The following FARSB variants were observed in gnomAD, a reference collection of about 807,000 sequenced individuals.
The protein encoded by FARSB is phenylalanyl-tRNA synthetase subunit beta.
Under a neutral mutation model 69.6 loss-of-function variants are expected in FARSB, and 40 were observed. The observed-to-expected ratio is 0.57, with a 90% CI of 0.45 to 0.75. The LOEUF is 0.75. Among genes scored for constraint, FARSB ranks in the 30% least tolerant of loss-of-function variants. The probability of loss-of-function intolerance (pLI) is 0.00; values close to 1 mark genes in which losing one functional copy is unlikely to be tolerated. For missense variants in FARSB, 632 were observed against 722.9 expected, an observed-to-expected ratio of 0.87 and a Z score of 1.44; for synonymous variants, 235 against 247.2, an observed-to-expected ratio of 0.95 and a Z score of 0.46.
intron 14 of FARSB, among the ~76,000 whole-genome samples, chr2:222,619,059 G>A (rs1404715986): frequency 6.6e-6 from 1 of 151,180 alleles, no homozygotes; most frequent in East Asian, 1.9e-4. Flanking sequence ...GGAGAATGGC[G>A]TGAACCCGGG....
chr2:222,599,909 T>G lies in FARSB; in HGVS notation c.1618+19A>C. Reference sequence around the variant, plus strand: ...TCCTGACACTGTCACTAACTCTGGATTCGGCTCATCTGTCTTACCTTCTGA... The same window carrying G: ...TCCTGACACTGTCACTAACTCTGGAGTCGGCTCATCTGTCTTACCTTCTGA... On this transcript the variant is annotated intron_variant, in intron 16 of 16. Transcript: ENST00000281828. The G allele has an allele frequency of 6.4e-7, 1 of 1,565,822 alleles. No homozygotes were observed. Among genetic ancestry groups the G allele is most frequent in the South Asian group, 1.2e-5 (1 of 83,190 alleles).
At chr2:222,624,649 C>G in intron 11 of FARSB, 65 bp downstream of exon 11, 1 of 1,113,108 alleles carries the variant, frequency 9.0e-7, no homozygotes, top group Non-Finnish European at 1.3e-6. Flanking sequence ...TCTGAAGGAT[C>G]GCAAAAAAAA....
chr2:222,637,369 G>A (rs771687305), intron 5 of FARSB, among the ~76,000 whole-genome samples: 36 of 151,686 alleles, frequency 2.4e-4, no homozygotes, highest in African/African-American at 7.8e-4. Context: ...GGTGGGCAGA[G>A]TCCCAGAGAA....
chr2:222,585,106 A>C (rs1433968791), intron 16 of FARSB, among the ~76,000 whole-genome samples: 1 of 152,176 alleles, frequency 6.6e-6, no homozygotes, highest in African/African-American at 2.4e-5. Flanking sequence ...GGGCCGACTG[A>C]CACCTCATAC....
chr2:222,621,240 G>C (rs573370254), intron 13 of FARSB, among the ~76,000 whole-genome samples: 1 of 152,290 alleles, frequency 6.6e-6, no homozygotes, highest in Admixed American at 6.5e-5. Context: ...AGTGACAAGA[G>C]GCAATTTAAA....
intron 1 of FARSB, among the ~76,000 whole-genome samples, chr2:222,652,643 AACAAC>A (rs1692067652): frequency 1.3e-5 from 2 of 152,232 alleles, no homozygotes; most frequent in Admixed American, 1.3e-4. Flanking sequence ...GAGGTTTGCC[AACAAC>A]CACTTGAATG....
intron 15 of FARSB, among the ~76,000 whole-genome samples, chr2:222,608,021 T>C (rs1477023131): frequency 6.6e-6 from 1 of 152,128 alleles, no homozygotes; most frequent in African/African-American, 2.4e-5. Flanking sequence ...CGTTAGCAGA[T>C]CTTAACTATG....
At chr2:222,624,672 G>A (rs753321196) in intron 11 of FARSB, 42 bp downstream of exon 11, 17 of 1,349,562 alleles carry the variant, frequency 1.3e-5, no homozygotes, top group Admixed American at 9.5e-5. Context: ...TTAGTCATAC[G>A]TGTACTTTGT....
In FARSB at chr2:222,615,156, C is replaced by T. The variant is rs189241608; in HGVS notation, c.1345-1228G>A. Among the ~76,000 whole-genome samples the T allele has an allele frequency of 1.4e-4, 21 of 152,210 alleles. No homozygotes were observed. The South Asian group carries it at 2.1e-3, about 15-fold the overall frequency. On this transcript the variant is annotated intron_variant, in intron 14 of 16. Coordinates refer to ENST00000281828, the MANE Select transcript of FARSB (RefSeq NM_005687.5). ...AACATATTTCTCCCTGTAAGCTATACGGAATATATTAGCTTCCAACACATG... is the reference window on the plus strand; with the variant it reads ...AACATATTTCTCCCTGTAAGCTATATGGAATATATTAGCTTCCAACACATG...
At chr2:222,648,635 C>T (rs1488850724) in intron 2 of FARSB, 105 bp downstream of exon 2, 3 of 784,544 alleles carry the variant, frequency 3.8e-6, no homozygotes, top group Non-Finnish European at 6.8e-6. Flanking sequence ...CAAACATTAT[C>T]ACCTTAGTCT....
chr2:222,575,077 G>A (rs968361351), intron 16 of FARSB, among the ~76,000 whole-genome samples: 2 of 152,194 alleles, frequency 1.3e-5, no homozygotes, highest in Non-Finnish European at 1.5e-5. Flanking sequence ...AAGAAAACAA[G>A]GGAGATATAG....
At chr2:222,634,997 C>A (rs963998600) in intron 5 of FARSB, among the ~76,000 whole-genome samples, 21 of 152,148 alleles carry the variant, frequency 1.4e-4, no homozygotes, top group African/African-American at 5.1e-4. Flanking sequence ...CACATAGCTG[C>A]ATTACCTTAG....
intron 15 of FARSB, 33 bp downstream of exon 15, chr2:222,613,778 A>G: frequency 7.7e-7 from 1 of 1,305,506 alleles, no homozygotes; most frequent in Non-Finnish European, 1.1e-6. Context: ...TGTTTTAAAT[A>G]CACAAATCAA....
intron 15 of FARSB, among the ~76,000 whole-genome samples, chr2:222,600,298 A>G (rs1030571738): frequency 6.6e-6 from 1 of 152,026 alleles, no homozygotes; most frequent in Non-Finnish European, 1.5e-5. Context: ...GAAAGAGTGA[A>G]AAACCCTCAA....
At chr2:222,606,540 T>C (rs947683242) in intron 15 of FARSB, among the ~76,000 whole-genome samples, 20 of 152,212 alleles carry the variant, frequency 1.3e-4, no homozygotes, top group Non-Finnish European at 2.5e-4. Flanking sequence ...AAATTATCTA[T>C]GTATTTCACA....
chr2:222,579,361 C>G (rs1351688467), intron 16 of FARSB, among the ~76,000 whole-genome samples: 1 of 152,222 alleles, frequency 6.6e-6, no homozygotes, highest in African/African-American at 2.4e-5. Flanking sequence ...GACAGTTCAT[C>G]ATCTTCCACC....
chr2:222,622,807 C>T (rs866974651), intron 13 of FARSB, among the ~76,000 whole-genome samples: 1 of 152,190 alleles, frequency 6.6e-6, no homozygotes, highest in Non-Finnish European at 1.5e-5. Flanking sequence ...CTCTCTCAGC[C>T]TCAGGCTTCC....
chr2:222,615,639 C>T (rs1690977038), intron 14 of FARSB, among the ~76,000 whole-genome samples: 1 of 152,200 alleles, frequency 6.6e-6, no homozygotes, highest in South Asian at 2.1e-4. Flanking sequence ...CAAGTGTCTG[C>T]TCAAATGTTC....
chr2:222,644,229 T>G (rs996594225), intron 2 of FARSB, among the ~76,000 whole-genome samples: 1 of 152,192 alleles, frequency 6.6e-6, no homozygotes, highest in African/African-American at 2.4e-5. Flanking sequence ...GAGTATTATG[T>G]GCCAAAGTCC....
Sources: allele counts gnomAD v4.1 joint callset (sites outside exome capture counted in the v4.1 genomes callset), GRCh38; gene constraint gnomAD v4.1.1; transcripts MANE v1.5; gene names NCBI Gene and HGNC (gene_info 2026-07-23, HGNC 2026-07-21).